Variants in SUFU observed in about 807,000 individuals in gnomAD.
The protein encoded by SUFU is SUFU negative regulator of hedgehog signaling.
SUFU carries 7 observed loss-of-function variants against 58.9 expected under a neutral mutation model. The observed-to-expected ratio is 0.12, with a 90% confidence interval of 0.07 to 0.22. SUFU has a LOEUF of 0.22. SUFU is among the 10% of genes least tolerant of loss of function. The pLI, the probability that SUFU is intolerant of heterozygous loss-of-function variation, is 1.00. For synonymous variants in SUFU, 232 were observed against 254.8 expected, an observed-to-expected ratio of 0.91 and a Z score of 0.85; for missense variants, 451 against 641.3, an observed-to-expected ratio of 0.70 and a Z score of 3.20.
At chr10:102,521,624 A>G (rs1233801429) in intron 2 of SUFU, among the ~76,000 whole-genome samples, 1 of 152,126 alleles carries the variant, frequency 6.6e-6, no homozygotes, top group Non-Finnish European at 1.5e-5. Flanking sequence ...CAGACTGTAG[A>G]GAGACTGGTA....
intron 2 of SUFU, among the ~76,000 whole-genome samples, chr10:102,525,284 A>G: frequency 6.6e-6 from 1 of 150,908 alleles, no homozygotes; most frequent in East Asian, 2.0e-4. Context: ...TAATTTTTGT[A>G]TTTTTAGTAG....
chr10:102,583,626 C>G (rs1216161055), intron 3 of SUFU, among the ~76,000 whole-genome samples: 1 of 152,204 alleles, frequency 6.6e-6, no homozygotes, highest in Non-Finnish European at 1.5e-5. Context: ...AAGGTCATGG[C>G]TCCAAATCTT....
intron 3 of SUFU, among the ~76,000 whole-genome samples, chr10:102,556,176 G>C (rs541078235): frequency 1.4e-4 from 22 of 152,210 alleles, no homozygotes; most frequent in Non-Finnish European, 2.9e-4. Flanking sequence ...GTGGGGGCGG[G>C]GGCGGAGATG....
chr10:102,542,712 C>T (rs1327840170), intron 2 of SUFU, among the ~76,000 whole-genome samples: 1 of 150,170 alleles, frequency 6.7e-6, no homozygotes, highest in Non-Finnish European at 1.5e-5. Context: ...GTACCTTCTG[C>T]TTCCTGGATT....
chr10:102,553,554 C>A (rs2062942783), intron 3 of SUFU, among the ~76,000 whole-genome samples: 1 of 151,954 alleles, frequency 6.6e-6, no homozygotes, highest in South Asian at 2.1e-4. Context: ...AGCTCCGCCT[C>A]CCAGATTCAC....
intron 2 of SUFU, among the ~76,000 whole-genome samples, chr10:102,510,576 C>G (rs938432415): frequency 1.3e-5 from 2 of 151,398 alleles, no homozygotes; most frequent in Non-Finnish European, 3.0e-5. Flanking sequence ...AATCCCAGCA[C>G]TTTGTGGGGC....
chr10:102,524,079 G>C (rs963472713), intron 2 of SUFU, among the ~76,000 whole-genome samples: 5 of 152,072 alleles, frequency 3.3e-5, no homozygotes, highest in Admixed American at 3.3e-4. Context: ...CTCTCAGTTA[G>C]GCCTTCCCTG....
At chr10:102,516,495 T>C (rs1423451722) in intron 2 of SUFU, among the ~76,000 whole-genome samples, 1 of 152,178 alleles carries the variant, frequency 6.6e-6, no homozygotes, top group African/African-American at 2.4e-5. Context: ...AATTCTCCAA[T>C]TCAGAGAGTC....
intron 3 of SUFU, among the ~76,000 whole-genome samples, chr10:102,588,347 C>T (rs2063357591): frequency 1.3e-5 from 2 of 149,100 alleles, no homozygotes; most frequent in African/African-American, 5.0e-5. Flanking sequence ...GAGCCGAGAT[C>T]GTGCCACTAC....
intron 8 of SUFU, 56 bp downstream of exon 8, chr10:102,599,600 C>T: frequency 5.6e-6 from 8 of 1,427,936 alleles, no homozygotes; most frequent in Non-Finnish European, 7.9e-6. Context: ...TTCTGAAGGG[C>T]CTGTCCCTGT....
chr10:102,569,774 A>C (rs1279497492), intron 3 of SUFU, among the ~76,000 whole-genome samples: 2 of 152,190 alleles, frequency 1.3e-5, no homozygotes. Flanking sequence ...TTCTGGGTGC[A>C]ACATTCAACA....
chr10:102,504,086 G>A lies in SUFU; in HGVS notation c.-67G>A. 6.7e-7 allele frequency: 1 copy of A among 1,487,762 alleles called. No individual in the cohort carries two copies. Among genetic ancestry groups the A allele is most frequent in the Admixed American group, 2.3e-5 (1 of 43,458 alleles). The allele number at this position is 1,487,762 out of a possible 1,614,324, so 92.2% of individuals were successfully genotyped here. On this transcript the variant is annotated 5_prime_UTR_variant, in exon 1 of 12. Transcript: ENST00000369902. ...GTCTCACCCACCGAGTCCGCCCGCT[G>A]GCCCGTCAGTGCTCTCCCCGTCGTT...
chr10:102,507,665 G>A (rs938239174), intron 1 of SUFU, among the ~76,000 whole-genome samples: 1 of 152,260 alleles, frequency 6.6e-6, no homozygotes, highest in Admixed American at 6.5e-5. Context: ...TGGTGAAAGA[G>A]GACGAAACAA....
intron 3 of SUFU, among the ~76,000 whole-genome samples, chr10:102,555,014 A>T (rs2062958505): frequency 1.3e-5 from 2 of 152,154 alleles, no homozygotes; most frequent in Admixed American, 6.6e-5. Context: ...CATGCCTGTA[A>T]TCCCAGTACT....
chr10:102,609,714 C>G (rs1394733477), intron 8 of SUFU, among the ~76,000 whole-genome samples: 1 of 152,206 alleles, frequency 6.6e-6, no homozygotes, highest in Non-Finnish European at 1.5e-5. Context: ...TCTATTATTT[C>G]AGCTCTCCTG....
In SUFU at chr10:102,597,261, T is replaced by C; in HGVS notation, c.878T>C (p.Ile293Thr). Residue 293 changes from isoleucine to threonine, a missense_variant, in exon 7 of 12, where the codon ATC (isoleucine) becomes ACC (threonine). Coordinates refer to ENST00000369902, the MANE Select transcript of SUFU (RefSeq NM_016169.4). Reference protein sequence around the residue: ...EDDEDSRSICIGTQPRRLSGK... With the variant: ...EDDEDSRSICTGTQPRRLSGK... Reference sequence around the variant, plus strand: ...GACGAGGACAGCCGGAGCATCTGCATCGGCACACAGCCCCGGCGACTCTCT... The same window carrying C: ...GACGAGGACAGCCGGAGCATCTGCACCGGCACACAGCCCCGGCGACTCTCT... The C allele has an allele frequency of 6.2e-7, 1 of 1,613,882 alleles. No individual in the cohort carries two copies. Among genetic ancestry groups the C allele is most frequent in the East Asian group, 2.2e-5 (1 of 44,852 alleles).
chr10:102,603,922 A>T (rs1564701727), intron 8 of SUFU, among the ~76,000 whole-genome samples: 1 of 152,196 alleles, frequency 6.6e-6, no homozygotes, highest in Non-Finnish European at 1.5e-5. Context: ...TAATTAGAGG[A>T]AGAAAATATC....
At chr10:102,581,852 C>G (rs983499053) in intron 3 of SUFU, among the ~76,000 whole-genome samples, 1 of 152,178 alleles carries the variant, frequency 6.6e-6, no homozygotes, top group South Asian at 2.1e-4. Context: ...ACCAGAAATG[C>G]AAGAGGAGTG....
chr10:102,626,373 G>A (rs185627553), intron 10 of SUFU, among the ~76,000 whole-genome samples: 39 of 152,298 alleles, frequency 2.6e-4, no homozygotes, highest in Non-Finnish European at 4.7e-4. Flanking sequence ...CTTCTTTAGC[G>A]GATGAAGTTG....
Sources: gnomAD v4.1 joint callset for allele counts (sites outside exome capture counted in the v4.1 genomes callset) on GRCh38, gnomAD v4.1.1 for gene constraint, MANE v1.5 for transcripts, NCBI Gene and HGNC (gene_info 2026-07-23, HGNC 2026-07-21) for gene names.